Variants in SEMA5B observed in about 807,000 individuals in gnomAD.
The protein encoded by SEMA5B is semaphorin 5B.
In SEMA5B, 66 loss-of-function variants were observed where a neutral mutation model predicts 135.0. That is an observed-to-expected ratio of 0.49 (90% CI 0.40 to 0.60). SEMA5B has a LOEUF of 0.60. Among genes scored for constraint, SEMA5B ranks in the 20% least tolerant of loss-of-function variants. The pLI is 0.00. For synonymous variants in SEMA5B, 690 were observed against 639.5 expected (o/e 1.08, Z -1.19); for missense variants, 1,501 against 1,566.3 (o/e 0.96, Z 0.70).
intron 1 of SEMA5B, among the ~76,000 whole-genome samples, chr3:122,991,985 G>C (rs1345950667): frequency 6.6e-6 from 1 of 152,162 alleles, no homozygotes; most frequent in Non-Finnish European, 1.5e-5. Context: ...CAGGAAGCAT[G>C]TGGCGACCTC....
intron 4 of SEMA5B, among the ~76,000 whole-genome samples, chr3:122,940,720 CCCCA>C (rs1344194571): frequency 6.6e-6 from 1 of 152,202 alleles, no homozygotes; most frequent in Non-Finnish European, 1.5e-5. Context: ...CAGGCCCAGG[CCCCA>C]CTCATCTTCT....
chr3:122,916,821 C>G (rs751152394), intron 12 of SEMA5B, among the ~76,000 whole-genome samples: 16 of 152,104 alleles, frequency 1.1e-4, no homozygotes, highest in Non-Finnish European at 2.1e-4. Context: ...AGAATGAGCT[C>G]AAGCTGTAGG....
chr3:122,962,730 C>T (rs902310745), intron 1 of SEMA5B, among the ~76,000 whole-genome samples: 11 of 152,198 alleles, frequency 7.2e-5, no homozygotes, highest in Non-Finnish European at 1.6e-4. Context: ...AGACCAGTAA[C>T]ATCTGCTGCC....
intron 2 of SEMA5B, among the ~76,000 whole-genome samples, chr3:122,953,992 A>T (rs564931122): frequency 1.7e-4 from 26 of 152,356 alleles, no homozygotes; most frequent in African/African-American, 6.3e-4. Context: ...CCCCAAGGTC[A>T]AGTCAGTCTT....
rs765244911 is a variant in SEMA5B at position 122,910,187 on chromosome 3, G to A, written c.3412C>T (p.Arg1138Trp). 27 of 1,614,108 alleles carry A rather than the reference G, an allele frequency of 1.7e-5. No homozygotes were observed. The highest frequency in any genetic ancestry group is 6.7e-5 in the East Asian group (3 of 44,900). Reference protein sequence around the residue: ...YPSPLNKHSFRPEASPGQRCF... With the variant: ...YPSPLNKHSFWPEASPGQRCF... ...CGTTGTCCAGGTGAGGCCTCGGGCC[G>A]GAAGCTGTGTTTGTTCAGGGGGCTT... The change falls in exon 23 of 23, where the codon CGG becomes TGG. Residue 1138 changes from arginine (R) to tryptophan (W), a missense_variant. Coordinates refer to ENST00000357599, the MANE Select transcript of SEMA5B (RefSeq NM_001031702.4).
At chr3:122,913,808 T>TG in intron 15 of SEMA5B, 50 bp downstream of exon 15, 1 of 1,566,210 alleles carries the variant, frequency 6.4e-7, no homozygotes, top group East Asian at 2.3e-5. Context: ...GGCCACTTTC[T>TG]GGGGGGCCCG....
intron 5 of SEMA5B, among the ~76,000 whole-genome samples, chr3:122,936,781 ACTC>A (rs1303490103): frequency 3.3e-5 from 5 of 151,252 alleles, no homozygotes; most frequent in Admixed American, 1.3e-4. Flanking sequence ...GATTTCCCCC[ACTC>A]CTCCACCTCC....
intron 20 of SEMA5B, 42 bp downstream of exon 20, chr3:122,911,878 G>C (rs773396439): frequency 2.6e-6 from 4 of 1,555,244 alleles, no homozygotes; most frequent in Non-Finnish European, 3.5e-6. Context: ...GGGAGTGCAG[G>C]CTGGGAAGGG....
chr3:123,012,606 C>T (rs1453972083), intron 1 of SEMA5B, among the ~76,000 whole-genome samples: 2 of 152,232 alleles, frequency 1.3e-5, no homozygotes, highest in African/African-American at 2.4e-5. Flanking sequence ...ACAATCCTTC[C>T]TCCCAGCAGG....
intron 1 of SEMA5B, among the ~76,000 whole-genome samples, chr3:123,011,025 A>G (rs764454402): frequency 6.6e-6 from 1 of 152,050 alleles, no homozygotes; most frequent in Non-Finnish European, 1.5e-5. Flanking sequence ...CTGGGAGCCT[A>G]CTCTCAAGTG....
In SEMA5B at chr3:122,921,959, G is replaced by A; in HGVS notation, c.1644C>T (p.Val548=). ...CGCACCTCTCCAGTGGGACCCGCAG[G>A]ACGCCGTCTCTCAGCCCCACGAAGA... The part of the protein sequence containing the change: ...RALFVGLRDG[V]LRVPLERCAA... The change falls in exon 12 of 23, where the codon GTC becomes GTT. Residue 548 remains valine (V), a synonymous_variant. Coordinates refer to ENST00000357599, the MANE Select transcript of SEMA5B (RefSeq NM_001031702.4). The A allele has an allele frequency of 6.5e-7, 1 of 1,536,072 alleles. No homozygotes were observed. Among genetic ancestry groups the A allele is most frequent in the Non-Finnish European group, 8.7e-7 (1 of 1,145,628 alleles).
chr3:122,942,439 C>T (rs1259600428), intron 4 of SEMA5B, among the ~76,000 whole-genome samples: 1 of 152,206 alleles, frequency 6.6e-6, no homozygotes, highest in East Asian at 1.9e-4. Flanking sequence ...CAACCCCACA[C>T]CCACTGAGTC....
chr3:123,019,025 C>A (rs1942619703), intron 1 of SEMA5B, among the ~76,000 whole-genome samples: 1 of 152,180 alleles, frequency 6.6e-6, no homozygotes, highest in Non-Finnish European at 1.5e-5. Flanking sequence ...TGATGAATAG[C>A]ATCCCCACTC....
chr3:122,965,815 C>T (rs1054344066), intron 1 of SEMA5B, among the ~76,000 whole-genome samples: 1 of 152,222 alleles, frequency 6.6e-6, no homozygotes, highest in Non-Finnish European at 1.5e-5. Flanking sequence ...GCTCAGAGCG[C>T]CTCCCAATCT....
rs1251842055 is a variant in SEMA5B at position 122,922,444 on chromosome 3, C to T, written c.1276G>A (p.Gly426Ser). 6.3e-7 allele frequency: 1 copy of T among 1,596,616 alleles called. No individual in the cohort carries two copies. The highest frequency in any genetic ancestry group is 2.3e-5 in the East Asian group (1 of 43,872). The stretch of plus-strand genomic sequence containing the variant: ...TTGGGACCGGTCTCAGGCAGGGTGC[C>T]ACACTGCCGCGGGGAGCCAGGTCAC... Reference protein sequence around the residue: ...IANPIPNFQCGTLPETGPNEN... With the variant: ...IANPIPNFQCSTLPETGPNEN... Residue 426 changes from glycine to serine, a missense_variant, in exon 11 of 23, where the codon GGC (glycine) becomes AGC (serine). Gly to Ser is a moderately conservative substitution (Grantham distance 56, BLOSUM62 0). This residue lies in a region of SEMA5B where 574 missense variants were observed against 684.7 expected (regional missense o/e 0.84). Coordinates refer to ENST00000357599, the MANE Select transcript of SEMA5B (RefSeq NM_001031702.4).
In SEMA5B at chr3:123,027,720, C is replaced by G. The variant is rs1450158979; in HGVS notation, c.-295G>C. ...AGCTGGGCTCTGGCACCAACCCCCG[C>G]GCTCCAACTAGCTCCCGACCCGGCG... On this transcript the variant is annotated 5_prime_UTR_variant, in exon 1 of 23. Transcript: ENST00000357599. 3 of 152,138 alleles carry G rather than the reference C, an allele frequency of 2.0e-5. No homozygotes were observed. Among genetic ancestry groups the G allele is most frequent in the Non-Finnish European group, 4.4e-5 (3 of 68,034 alleles). The allele number at this position is 152,138 out of a possible 1,614,324, so 9.4% of individuals were successfully genotyped here. A position where few individuals can be genotyped will look rare whatever the true frequency, so the allele number is the denominator to read the frequency against.
intron 2 of SEMA5B, among the ~76,000 whole-genome samples, chr3:122,958,908 G>A (rs537774259): frequency 6.6e-6 from 1 of 152,262 alleles, no homozygotes; most frequent in East Asian, 1.9e-4. Flanking sequence ...ACGCATGTGT[G>A]TCATGAGTGT....
chr3:123,001,674 C>T (rs1942178243), intron 1 of SEMA5B, among the ~76,000 whole-genome samples: 1 of 152,166 alleles, frequency 6.6e-6, no homozygotes, highest in South Asian at 2.1e-4. Flanking sequence ...TAAGTTCATA[C>T]CCATTCATGC....
rs774214323 is a variant in SEMA5B at position 123,005,414 on chromosome 3, T to C, written c.-39+22050A>G. On this transcript the variant is annotated intron_variant, in intron 1 of 22. Coordinates refer to ENST00000357599, the MANE Select transcript of SEMA5B (RefSeq NM_001031702.4). ...TCTTGCTCTGTTGCCCAGACTGGAG[T>C]GCAGTGGTGCGATCATAGCTCACCA... 1.6e-4 allele frequency among the ~76,000 whole-genome samples: 24 copies of C among 152,136 alleles called. 1 individual carries two copies. The highest frequency in any genetic ancestry group is 3.2e-4 in the Non-Finnish European group (22 of 68,030).
Sources: allele counts gnomAD v4.1 joint callset (sites outside exome capture counted in the v4.1 genomes callset), GRCh38; gene constraint gnomAD v4.1.1; regional missense constraint gnomAD v4.1.1; transcripts MANE v1.5; gene names NCBI Gene and HGNC (gene_info 2026-07-23, HGNC 2026-07-21).